Variants in ARHGAP22 observed in about 807,000 individuals in gnomAD.
ARHGAP22 encodes the protein Rho GTPase activating protein 22, also known as rho GTPase-activating protein 22.
Under a neutral mutation model 59.1 loss-of-function variants are expected in ARHGAP22, and 48 were observed. That is an observed-to-expected ratio of 0.81 (90% CI 0.64 to 1.03). ARHGAP22 has a LOEUF of 1.03. Ranked by LOEUF, ARHGAP22 falls within the 50% of genes least tolerant of loss-of-function variation. The pLI, the probability that ARHGAP22 is intolerant of heterozygous loss-of-function variation, is 0.00. For synonymous variants in ARHGAP22, 445 were observed against 416.4 expected (o/e 1.07, Z -0.84); for missense variants, 1,015 against 958.7 (o/e 1.06, Z -0.78).
chr10:48,507,600 C>A (rs565253908), intron 3 of ARHGAP22, among the ~76,000 whole-genome samples: 1 of 152,236 alleles, frequency 6.6e-6, no homozygotes, highest in African/African-American at 2.4e-5. Flanking sequence ...GTCAGTCTCC[C>A]TCCTGCCCCA....
At chr10:48,647,608 G>A (rs1470852174) in intron 1 of ARHGAP22, among the ~76,000 whole-genome samples, 1 of 152,208 alleles carries the variant, frequency 6.6e-6, no homozygotes, top group African/African-American at 2.4e-5. Context: ...TTGTATGACG[G>A]TGGGAATGTA....
intron 3 of ARHGAP22, among the ~76,000 whole-genome samples, chr10:48,517,661 C>A (rs2053419242): frequency 6.6e-6 from 1 of 152,098 alleles, no homozygotes. Context: ...AGGCCAGCAG[C>A]GTTGACCCCG....
At chr10:48,468,151 A>G (rs943694843) in intron 4 of ARHGAP22, among the ~76,000 whole-genome samples, 13 of 152,264 alleles carry the variant, frequency 8.5e-5, no homozygotes, top group Admixed American at 1.3e-4. Context: ...AGTGCCTCCC[A>G]CCCCAATCCC....
At chr10:48,517,092 A>C (rs2053359026) in intron 3 of ARHGAP22, among the ~76,000 whole-genome samples, 1 of 152,182 alleles carries the variant, frequency 6.6e-6, no homozygotes, top group South Asian at 2.1e-4. Context: ...TTGTTTCTGG[A>C]ATGAGACATG....
At chr10:48,555,337 G>A (rs1266661800) in intron 3 of ARHGAP22, 126 bp downstream of exon 3, 13 of 857,514 alleles carry the variant, frequency 1.5e-5, no homozygotes, top group African/African-American at 1.2e-4. Context: ...CCACATTTCC[G>A]AGTCATGCCT....
chr10:48,605,336 C>A (rs950684968), upstream of ARHGAP22, among the ~76,000 whole-genome samples: 2 of 137,880 alleles, frequency 1.5e-5, no homozygotes, highest in African/African-American at 2.6e-5. Flanking sequence ...CGAGACCCCC[C>A]CCCCACCCCA....
chr10:48,471,354 G>A (rs4838597), intron 4 of ARHGAP22, among the ~76,000 whole-genome samples: 88,596 of 152,140 alleles, frequency 0.58, 28,812 homozygotes, highest in Non-Finnish European at 0.72. Flanking sequence ...TGCCTTCTGC[G>A]CTGCCACTGG....
intron 1 of ARHGAP22, among the ~76,000 whole-genome samples, chr10:48,585,174 T>G (rs1413071326): frequency 6.6e-6 from 1 of 152,158 alleles, no homozygotes; most frequent in African/African-American, 2.4e-5. Flanking sequence ...GCTGGCTCCT[T>G]GCTTCTAGCA....
At chr10:48,549,583 G>C (rs935269) in intron 3 of ARHGAP22, among the ~76,000 whole-genome samples, 94,321 of 151,972 alleles carry the variant, frequency 0.62, 31,211 homozygotes, top group East Asian at 0.97. Context: ...GCTTTCTGCT[G>C]CAGAGACCTC....
intron 1 of ARHGAP22, among the ~76,000 whole-genome samples, chr10:48,619,420 T>C (rs1033264743): frequency 6.6e-6 from 1 of 152,130 alleles, no homozygotes; most frequent in Admixed American, 6.5e-5. Flanking sequence ...GCTGGAGGCA[T>C]CACACTACTG....
chr10:48,488,050 T>A (rs528319604), intron 3 of ARHGAP22, among the ~76,000 whole-genome samples: 1 of 152,320 alleles, frequency 6.6e-6, no homozygotes, highest in African/African-American at 2.4e-5. Flanking sequence ...AGATCCTGTC[T>A]CAATAAATAA....
At position 48,551,557 on chromosome 10, in the gene ARHGAP22, T is replaced by C. The variant is rs72785143; in HGVS notation, c.322+3906A>G. On this transcript the variant is annotated intron_variant, in intron 3 of 9. Transcript: ENST00000249601. ...CTTTCTCTCAGCCTCCCTTAAACTTTATAAGTGGTTTTCCTGCGTGTCCCC... is the reference window on the plus strand; with the variant it reads ...CTTTCTCTCAGCCTCCCTTAAACTTCATAAGTGGTTTTCCTGCGTGTCCCC... 5.9e-3 allele frequency among the ~76,000 whole-genome samples: 902 copies of C among 152,316 alleles called. 3 individuals carry two copies. The highest frequency in any genetic ancestry group is 0.01 in the Middle Eastern group (3 of 294).
At position 48,446,118 on chromosome 10, in the gene ARHGAP22, A is replaced by G. The variant is rs2045331505; in HGVS notation, c.*273T>C. 6.3e-6 allele frequency: 3 copies of G among 475,296 alleles called. No individual in the cohort carries two copies. Among genetic ancestry groups the G allele is most frequent in the Admixed American group, 7.6e-5 (2 of 26,168 alleles). 29.4% of individuals were successfully genotyped at this position (475,296 alleles called of 1,614,324 possible). A position where few individuals can be genotyped will look rare whatever the true frequency, so the allele number is the denominator to read the frequency against. On this transcript the variant is annotated 3_prime_UTR_variant, in exon 10 of 10. Coordinates refer to ENST00000249601, the MANE Select transcript of ARHGAP22 (RefSeq NM_021226.4). ...CTGGGCGCCCTCCATTTCTGTGGCC[A>G]TGAAGGATATTTCCTGGGTAAGGGC...
chr10:48,585,162 T>G (rs2059354218), intron 1 of ARHGAP22, among the ~76,000 whole-genome samples: 1 of 152,192 alleles, frequency 6.6e-6, no homozygotes, highest in Admixed American at 6.5e-5. Flanking sequence ...GTGTCTAGAC[T>G]TGCTGGCTCC....
upstream of ARHGAP22, among the ~76,000 whole-genome samples, chr10:48,608,835 T>C (rs191772316): frequency 6.6e-6 from 1 of 152,324 alleles, no homozygotes; most frequent in Non-Finnish European, 1.5e-5. Flanking sequence ...GTATATAAAC[T>C]TATAATTAAA....
chr10:48,577,433 G>A (rs1177769365), intron 2 of ARHGAP22, among the ~76,000 whole-genome samples: 1 of 152,158 alleles, frequency 6.6e-6, no homozygotes, highest in Non-Finnish European at 1.5e-5. Context: ...ACTGGGTGGC[G>A]TCGGAGGATG....
intron 5 of ARHGAP22, among the ~76,000 whole-genome samples, chr10:48,457,481 C>T (rs56844223): frequency 6.6e-6 from 1 of 152,178 alleles, no homozygotes; most frequent in Non-Finnish European, 1.5e-5. Flanking sequence ...GTGGGTGCCC[C>T]TCCACCCCTA....
At chr10:48,589,725 T>C (rs1185436856) in intron 1 of ARHGAP22, among the ~76,000 whole-genome samples, 1 of 152,178 alleles carries the variant, frequency 6.6e-6, no homozygotes, top group African/African-American at 2.4e-5. Flanking sequence ...ACTGAACTGA[T>C]TTGTATATAG....
chr10:48,473,460 C>T (rs551465449), intron 4 of ARHGAP22, among the ~76,000 whole-genome samples: 41 of 151,720 alleles, frequency 2.7e-4, no homozygotes, highest in African/African-American at 9.9e-4. Flanking sequence ...CTGCTTTCTT[C>T]CCTGCTGAGT....
Sources: gnomAD v4.1 joint callset for allele counts (sites outside exome capture counted in the v4.1 genomes callset) on GRCh38, gnomAD v4.1.1 for gene constraint, MANE v1.5 for transcripts, NCBI Gene and HGNC (gene_info 2026-07-23, HGNC 2026-07-21) for gene names.